NEURL1B: variants seen among roughly 807,000 people sequenced by gnomAD.
The protein encoded by NEURL1B is neuralized E3 ubiquitin protein ligase 1B, also known as E3 ubiquitin-protein ligase NEURL1B.
A neutral mutation model predicts 37.4 loss-of-function variants in NEURL1B; 13 were observed. The ratio of observed to expected loss-of-function variants is 0.35; its 90% CI spans 0.23 to 0.55. NEURL1B has a LOEUF of 0.55. NEURL1B is among the 20% of genes least tolerant of loss of function. NEURL1B has a pLI of 0.89. For missense variants in NEURL1B, 790 were observed against 879.2 expected (o/e 0.90, Z 1.28); for synonymous variants, 432 against 426.6 (o/e 1.01, Z -0.16).
intron 1 of NEURL1B, among the ~76,000 whole-genome samples, chr5:172,653,910 A>G (rs970271370): frequency 3.3e-5 from 5 of 152,170 alleles, no homozygotes; most frequent in Non-Finnish European, 7.3e-5. Flanking sequence ...ACTTACTGCA[A>G]ACATCTCTTT....
In NEURL1B at chr5:172,675,123, C is replaced by T. The variant is rs1043818459; in HGVS notation, c.577+4793C>T. Among the ~76,000 whole-genome samples, 2 of 152,074 alleles carry T rather than the reference C, an allele frequency of 1.3e-5. No homozygotes were observed. Among genetic ancestry groups the T allele is most frequent in the Non-Finnish European group, 2.9e-5 (2 of 68,018 alleles). On this transcript the variant is annotated intron_variant, in intron 2 of 4. Coordinates refer to ENST00000369800, the MANE Select transcript of NEURL1B (RefSeq NM_001142651.3). The surrounding 1 kb of genome is among the most constrained non-coding windows in gnomAD (Gnocchi z 4.7). ...AACTCCTGACCTCAGGTGATCCGCC[C>T]GCCTCGGCCTCCAAAAGTGCTGGGA...
intron 2 of NEURL1B, among the ~76,000 whole-genome samples, chr5:172,680,967 C>T (rs546226562): frequency 3.3e-5 from 5 of 152,256 alleles, no homozygotes; most frequent in Admixed American, 3.3e-4. Flanking sequence ...CTCTTGGTTC[C>T]GCAGGCTGTA....
rs762298546 is a variant in NEURL1B, at chr5:172,689,730, G to C, written c.*2805G>C. Reference sequence around the variant, plus strand: ...TGGCTCCAAGTCCCAGGAAGCTCGAGACTGTGAGTTTTCTCCCTTGAAACT... The same window carrying C: ...TGGCTCCAAGTCCCAGGAAGCTCGACACTGTGAGTTTTCTCCCTTGAAACT... On this transcript the variant is annotated 3_prime_UTR_variant, in exon 5 of 5. Transcript: ENST00000369800. The C allele has an allele frequency of 6.6e-6, 1 of 152,202 alleles. No homozygotes were observed. The highest frequency in any genetic ancestry group is 1.5e-5 in the Non-Finnish European group (1 of 68,058). 9.4% of individuals were successfully genotyped at this position (152,202 alleles called of 1,614,324 possible).
At chr5:172,672,280 G>C (rs769527672) in intron 2 of NEURL1B, among the ~76,000 whole-genome samples, 6 of 152,108 alleles carry the variant, frequency 3.9e-5, no homozygotes, top group Non-Finnish European at 8.8e-5. Flanking sequence ...GAAAGGCTTT[G>C]GTATTTCACC....
chr5:172,653,545 A>G (rs1270058478), intron 1 of NEURL1B, among the ~76,000 whole-genome samples: 1 of 152,224 alleles, frequency 6.6e-6, no homozygotes, highest in Non-Finnish European at 1.5e-5. Flanking sequence ...TTTAATGTCC[A>G]GTTCACAGAA....
intron 1 of NEURL1B, among the ~76,000 whole-genome samples, chr5:172,659,078 AT>A (rs1757848797): frequency 8.4e-6 from 1 of 119,620 alleles, no homozygotes; most frequent in African/African-American, 3.2e-5. Context: ...AAGCCAGGGT[AT>A]TGCTCACCCT....
rs1047541577 is a variant in NEURL1B at position 172,641,526 on chromosome 5, G to C, written c.31+89G>C. The C allele has an allele frequency of 4.6e-6, 5 of 1,089,214 alleles. No homozygotes were observed. The highest frequency in any genetic ancestry group is 4.3e-5 in the Admixed American group (1 of 23,408). 67.5% of individuals were successfully genotyped at this position (1,089,214 alleles called of 1,614,324 possible). A position where few individuals can be genotyped will look rare whatever the true frequency, so the allele number is the denominator to read the frequency against. On this transcript the variant is annotated intron_variant, in intron 1 of 4. Transcript: ENST00000369800. The surrounding 1 kb of genome is among the most constrained non-coding windows in gnomAD (Gnocchi z 6.4). ...GGTGACTCTGGAGAGCTACCCCACG[G>C]CCCTTGGAGCCCTCGGCTCGCAGCG...
In NEURL1B at chr5:172,691,209, A is replaced by G. The variant is rs1758650883; in HGVS notation, c.*4284A>G. 1 of 152,244 alleles carries G rather than the reference A, an allele frequency of 6.6e-6. No individual in the cohort carries two copies. Among genetic ancestry groups the G allele is most frequent in the African/African-American group, 2.4e-5 (1 of 41,456 alleles). 9.4% of individuals were successfully genotyped at this position (152,244 alleles called of 1,614,324 possible). A position where few individuals can be genotyped will look rare whatever the true frequency, so the allele number is the denominator to read the frequency against. On this transcript the variant is annotated 3_prime_UTR_variant, in exon 5 of 5. Coordinates refer to ENST00000369800, the MANE Select transcript of NEURL1B (RefSeq NM_001142651.3). ...GGTAGGGTTCTAGAAATCTGTGGTCATCGCTGAAATCCTTTTTGCATCATG... is the reference window on the plus strand; with the variant it reads ...GGTAGGGTTCTAGAAATCTGTGGTCGTCGCTGAAATCCTTTTTGCATCATG...
chr5:172,677,996 C>A (rs1758271977), intron 2 of NEURL1B, among the ~76,000 whole-genome samples: 1 of 152,160 alleles, frequency 6.6e-6, no homozygotes, highest in Non-Finnish European at 1.5e-5. Context: ...AGACCCTGAG[C>A]CTACATCCTG....
intron 1 of NEURL1B, among the ~76,000 whole-genome samples, chr5:172,663,768 C>T (rs1005432824): frequency 6.6e-6 from 1 of 151,056 alleles, no homozygotes; most frequent in East Asian, 1.9e-4. Context: ...GAGGATGGCC[C>T]AGGGGATTTA....
At chr5:172,664,426 G>A (rs1352508324) in intron 1 of NEURL1B, among the ~76,000 whole-genome samples, 1 of 148,176 alleles carries the variant, frequency 6.7e-6, no homozygotes, top group African/African-American at 2.5e-5. Context: ...TCTCATGTGG[G>A]ATCAGGACTG....
intron 1 of NEURL1B, among the ~76,000 whole-genome samples, chr5:172,658,445 G>A (rs968002121): frequency 1.1e-4 from 16 of 151,936 alleles, no homozygotes; most frequent in Non-Finnish European, 4.4e-5. Flanking sequence ...GAGTGAGGGG[G>A]AGAGAGAAGA....
rs1295106667 is a variant in NEURL1B, at chr5:172,684,052, G to A, written c.1211G>A (p.Gly404Asp). 6 of 1,328,850 alleles carry A rather than the reference G, an allele frequency of 4.5e-6. No homozygotes were observed. The highest frequency in any genetic ancestry group is 4.8e-6 in the Non-Finnish European group (5 of 1,037,652). 82.3% of individuals were successfully genotyped at this position (1,328,850 alleles called of 1,614,324 possible). ...VLLGINGRPR[G>D]RLLCVDTTQA... is the part of the protein sequence containing the mutation. ...CTGGGCATCAACGGGCGTCCGCGCG[G>A]CCGCCTGCTGTGCGTCGACACCACG... is the stretch of plus-strand genomic sequence containing the variant. The change falls in exon 3 of 5, where the codon GGC becomes GAC. Residue 404 changes from glycine to aspartate, a missense_variant. By Grantham distance (94) the Gly-to-Asp change is moderately conservative (BLOSUM62 -1). Transcript: ENST00000369800.
chr5:172,667,275 T>TTAAAAAAAAAAAAAAAA (rs761050020), intron 1 of NEURL1B, among the ~76,000 whole-genome samples: 15 of 72,286 alleles, frequency 2.1e-4, no homozygotes, highest in African/African-American at 1.1e-3. Flanking sequence ...CTGTCTCTAC[T>TTAAAAAAAAAAAAAAAA]AAAAAAAAAA....
chr5:172,679,097 C>G (rs565486840), intron 2 of NEURL1B, among the ~76,000 whole-genome samples: 2 of 152,234 alleles, frequency 1.3e-5, no homozygotes, highest in Admixed American at 6.5e-5. Context: ...GACTGAAACT[C>G]CAACTTTGGC....
chr5:172,649,421 G>GTGCA (rs1757621488), intron 1 of NEURL1B, among the ~76,000 whole-genome samples: 1 of 131,554 alleles, frequency 7.6e-6, no homozygotes, highest in South Asian at 2.6e-4. Context: ...GAGTGCAGTG[G>GTGCA]TGCAATCTTG....
intron 1 of NEURL1B, among the ~76,000 whole-genome samples, chr5:172,653,591 G>A (rs1396698609): frequency 1.3e-5 from 2 of 152,112 alleles, no homozygotes; most frequent in East Asian, 1.9e-4. Flanking sequence ...TAGCCAATAT[G>A]TTTACACACA....
chr5:172,647,629 G>T lies in NEURL1B; in HGVS notation c.31+6192G>T, dbSNP rs138949712. ...CACCTGAGCCCCACCCTTATTGCAG[G>T]TGCACTCCCTTTGCCCTCTGAAGAT... On this transcript the variant is annotated intron_variant, in intron 1 of 4. Transcript: ENST00000369800. The surrounding 1 kb of genome is among the most constrained non-coding windows in gnomAD (Gnocchi z 4.2). Among the ~76,000 whole-genome samples, 125 of 152,164 alleles carry T rather than the reference G, an allele frequency of 8.2e-4. 1 individual carries two copies. The highest frequency in any genetic ancestry group is 3.0e-3 in the African/African-American group (123 of 41,484).
intron 1 of NEURL1B, among the ~76,000 whole-genome samples, chr5:172,669,582 G>T (rs1228993655): frequency 6.6e-6 from 1 of 152,194 alleles, no homozygotes; most frequent in African/African-American, 2.4e-5. Flanking sequence ...TCTGTGGCAC[G>T]GGTATGCTGA....
Sources: allele counts gnomAD v4.1 joint callset (sites outside exome capture counted in the v4.1 genomes callset), GRCh38; gene constraint gnomAD v4.1.1; non-coding constraint Gnocchi (gnomAD v3.1); transcripts MANE v1.5; gene names NCBI Gene and HGNC (gene_info 2026-07-23, HGNC 2026-07-21).